DENND4A: variants seen among roughly 807,000 people sequenced by gnomAD.
The protein encoded by DENND4A is DENN domain containing 4A.
DENND4A carries 70 observed loss-of-function variants against 199.3 expected under a neutral mutation model. The observed-to-expected ratio is 0.35, with a 90% CI of 0.29 to 0.43. The LOEUF is 0.43. Ranked by LOEUF, DENND4A falls within the 20% of genes least tolerant of loss-of-function variation. DENND4A has a pLI of 1.00. For synonymous variants in DENND4A, 686 were observed against 766.9 expected, an observed-to-expected ratio of 0.89 and a Z score of 1.74; for missense variants, 1,723 against 2,255.8, an observed-to-expected ratio of 0.76 and a Z score of 4.78.
intron 23 of DENND4A, among the ~76,000 whole-genome samples, chr15:65,677,251 T>C (rs1181385086): frequency 6.6e-6 from 1 of 152,156 alleles, no homozygotes; most frequent in Admixed American, 6.6e-5. Flanking sequence ...CACTCTGCTT[T>C]CCAGGCTGGA....
Position 65,701,787 on chromosome 15 carries a change from G to A in DENND4A, c.2534C>T (p.Ala845Val), listed in dbSNP as rs2074879663. The change falls in exon 18 of 33, where the codon GCC becomes GTC. Residue 845 changes from alanine (A) to valine (V), a missense_variant. Around this residue, in one of 6 missense-constraint regions of DENND4A, gnomAD observed 36 missense variants for 85.7 expected, o/e 0.42. Transcript: ENST00000443035. The part of the protein sequence containing the change: ...EMQKAGIDPN[A>V]ITYGYYNKAV... Reference sequence around the variant, plus strand: ...CTTATTATAATAACCATAAGTAATGGCATTGGGGTCAATACCAGCTTTCTG... The same window carrying A: ...CTTATTATAATAACCATAAGTAATGACATTGGGGTCAATACCAGCTTTCTG... 1.9e-6 allele frequency: 3 copies of A among 1,613,518 alleles called. No homozygotes were observed. The highest frequency in any genetic ancestry group is 4.5e-5 in the East Asian group (2 of 44,858).
chr15:65,765,865 C>T (rs906141554), intron 1 of DENND4A, among the ~76,000 whole-genome samples: 5 of 152,226 alleles, frequency 3.3e-5, no homozygotes, highest in African/African-American at 1.2e-4. Flanking sequence ...CCCATTATCC[C>T]TAATCCCTGT....
intron 24 of DENND4A, among the ~76,000 whole-genome samples, chr15:65,674,580 C>T (rs2076315282): frequency 6.6e-6 from 1 of 151,894 alleles, no homozygotes; most frequent in African/African-American, 2.4e-5. Context: ...CTGTGAGATC[C>T]CATCTCTACA....
intron 23 of DENND4A, among the ~76,000 whole-genome samples, chr15:65,686,039 G>C (rs1277696507): frequency 6.6e-6 from 1 of 152,156 alleles, no homozygotes; most frequent in Non-Finnish European, 1.5e-5. Flanking sequence ...TTTAGGATCA[G>C]CTTGTCAAAT....
chr15:65,789,255 T>G (rs543607874), intron 1 of DENND4A, among the ~76,000 whole-genome samples: 1 of 152,244 alleles, frequency 6.6e-6, no homozygotes, highest in Non-Finnish European at 1.5e-5. Flanking sequence ...GGCACAATCA[T>G]AACTCACTGC....
intron 1 of DENND4A, among the ~76,000 whole-genome samples, chr15:65,774,447 G>A (rs1341254068): frequency 6.6e-6 from 1 of 152,152 alleles, no homozygotes; most frequent in Non-Finnish European, 1.5e-5. Context: ...CCCAGATTGA[G>A]CCACTGCACT....
chr15:65,667,850 C>T (rs920545637), intron 28 of DENND4A, 75 bp downstream of exon 28: 19 of 1,519,788 alleles, frequency 1.3e-5, no homozygotes, highest in Non-Finnish European at 1.7e-5. Context: ...GCTAATAAGA[C>T]TACTTAAGAC....
chr15:65,776,005 C>T (rs1179289880), intron 1 of DENND4A, among the ~76,000 whole-genome samples: 2 of 152,152 alleles, frequency 1.3e-5, no homozygotes, highest in Non-Finnish European at 2.9e-5. Flanking sequence ...ACCTGCTCTT[C>T]GAAGCCTTCC....
chr15:65,690,385 G>C (rs780843650), intron 23 of DENND4A, 30 bp downstream of exon 23: 8 of 1,530,080 alleles, frequency 5.2e-6, no homozygotes, highest in Non-Finnish European at 7.0e-6. Context: ...GTGTGTGACA[G>C]TAAAAGTAGC....
In DENND4A at chr15:65,660,291, T is replaced by G; in HGVS notation, c.*1560A>C. The stretch of plus-strand genomic sequence containing the variant: ...CATTATTTCCCAGAGTTGGAAGCTG[T>G]GAAATGTTTCAGCATGGTGCTATTC... On this transcript the variant is annotated 3_prime_UTR_variant, in exon 33 of 33. Coordinates refer to ENST00000443035, the MANE Select transcript of DENND4A (RefSeq NM_001320835.1). 1 of 1,535,148 alleles carries G rather than the reference T, an allele frequency of 6.5e-7. No homozygotes were observed. Among genetic ancestry groups the G allele is most frequent in the South Asian group, 1.2e-5 (1 of 84,050 alleles).
chr15:65,678,294 G>T (rs1340004939), intron 23 of DENND4A, among the ~76,000 whole-genome samples: 1 of 152,076 alleles, frequency 6.6e-6, no homozygotes, highest in Non-Finnish European at 1.5e-5. Context: ...TTTTAAAGCA[G>T]CTAATTATGA....
At chr15:65,663,171 T>G (rs1271994627) in intron 32 of DENND4A, among the ~76,000 whole-genome samples, 7 of 122,026 alleles carry the variant, frequency 5.7e-5, no homozygotes, top group Admixed American at 2.4e-4. Flanking sequence ...TATATGTGTG[T>G]GTGTGTATAT....
rs760481405 is a variant in DENND4A, at chr15:65,702,887, T to C, written c.2209A>G (p.Arg737Gly). 1.2e-6 allele frequency: 2 copies of C among 1,610,264 alleles called. No homozygotes were observed. The highest frequency in any genetic ancestry group is 1.3e-5 in the African/African-American group (1 of 74,710). The change falls in exon 16 of 33, where the codon AGA (arginine) becomes GGA (glycine). Residue 737 changes from arginine (R) to glycine (G), a missense_variant. Physicochemically the swap from Arg to Gly is moderately radical, Grantham distance 125. Coordinates refer to ENST00000443035, the MANE Select transcript of DENND4A (RefSeq NM_001320835.1). ...TGATAAAGTACCTGTTTTGTTCTTCTGAACATGGGCAAAGGGCTATTAGGA... is the reference window on the plus strand; with the variant it reads ...TGATAAAGTACCTGTTTTGTTCTTCCGAACATGGGCAAAGGGCTATTAGGA... ...SSPNSPLPMF[R>G]RTKQEIKSAH...
chr15:65,784,618 T>C (rs925792645), intron 1 of DENND4A, among the ~76,000 whole-genome samples: 5 of 152,314 alleles, frequency 3.3e-5, no homozygotes, highest in African/African-American at 9.6e-5. Flanking sequence ...CTTTAAGGCA[T>C]GTATAGTGGG....
chr15:65,780,041 GA>G (rs968018950), intron 1 of DENND4A, among the ~76,000 whole-genome samples: 5 of 149,366 alleles, frequency 3.3e-5, no homozygotes, highest in Admixed American at 1.3e-4. Flanking sequence ...ACCTAGCAGG[GA>G]AAAAAAAAAT....
chr15:65,748,994 A>G (rs2076489599), intron 4 of DENND4A, among the ~76,000 whole-genome samples: 1 of 140,112 alleles, frequency 7.1e-6, no homozygotes, highest in African/African-American at 2.6e-5. Flanking sequence ...CCCTGTCTCT[A>G]AAAAAAAAAA....
At chr15:65,748,514 GAGGCTGA>G (rs1196450102) in intron 4 of DENND4A, among the ~76,000 whole-genome samples, 2 of 151,622 alleles carry the variant, frequency 1.3e-5, no homozygotes, top group African/African-American at 4.8e-5. Context: ...AGTTATTTGG[GAGGCTGA>G]AGCAGGAGAA....
chr15:65,697,517 T>C, intron 20 of DENND4A, 134 bp from the exon 21 acceptor site: 1 of 600,470 alleles, frequency 1.7e-6, no homozygotes. Context: ...TAAAGCATTA[T>C]TTTGTTAGCT....
At chr15:65,762,613 A>T (rs2076880049) in intron 1 of DENND4A, among the ~76,000 whole-genome samples, 1 of 152,212 alleles carries the variant, frequency 6.6e-6, no homozygotes, top group African/African-American at 2.4e-5. Flanking sequence ...TGGGTAACAG[A>T]GTAAAGCTCT....
Sources: allele counts gnomAD v4.1 joint callset (sites outside exome capture counted in the v4.1 genomes callset), GRCh38; gene constraint gnomAD v4.1.1; regional missense constraint gnomAD v4.1.1; transcripts MANE v1.5; gene names NCBI Gene and HGNC (gene_info 2026-07-23, HGNC 2026-07-21).